The following FAM53A variants were observed in gnomAD, a reference collection of about 807,000 sequenced individuals.
FAM53A encodes family with sequence similarity 53 member A.
Under a neutral mutation model 26.6 loss-of-function variants are expected in FAM53A, and 28 were observed. That is an observed-to-expected ratio of 1.05 (90% confidence interval 0.78 to 1.45). FAM53A has a LOEUF of 1.45. FAM53A is among the 40% of genes most tolerant of loss of function. FAM53A has a pLI of 0.00. For missense variants in FAM53A, 650 were observed against 575.8 expected, an observed-to-expected ratio of 1.13 and a Z score of -1.32; for synonymous variants, 290 against 253.1, an observed-to-expected ratio of 1.15 and a Z score of -1.38.
chr4:1,649,907 A>ACTGTGAGGTGGCACAGGCGTGGCGTTTGG (rs1712604978), intron 4 of FAM53A, among the ~76,000 whole-genome samples: 1 of 138,374 alleles, frequency 7.2e-6, no homozygotes, highest in Non-Finnish European at 1.6e-5. Context: ...GTGGCGTTTG[A>ACTGTGAGGTGGCACAGGCGTGGCGTTTGG]CTGTGAGGTG....
At chr4:1,672,828 G>A (rs548772652) in intron 1 of FAM53A, among the ~76,000 whole-genome samples, 1 of 136,896 alleles carries the variant, frequency 7.3e-6, no homozygotes, top group Non-Finnish European at 1.5e-5. Flanking sequence ...GGAGTGCAGT[G>A]GTGTGATCTC....
chr4:1,607,971 A>G, the FAM53A span, among the ~76,000 whole-genome samples: 1 of 149,486 alleles, frequency 6.7e-6, no homozygotes, highest in African/African-American at 2.5e-5. Flanking sequence ...AAGTAGCCGG[A>G]TGTGGTAGCA....
intron 1 of FAM53A, among the ~76,000 whole-genome samples, chr4:1,620,115 G>C (rs1420568162): frequency 6.6e-6 from 1 of 151,886 alleles, no homozygotes; most frequent in Non-Finnish European, 1.5e-5. Context: ...GCAGAGGCAG[G>C]AGAATCGCTT....
At chr4:1,584,420 A>G in the FAM53A span, among the ~76,000 whole-genome samples, 1 of 152,240 alleles carries the variant, frequency 6.6e-6, no homozygotes, top group Non-Finnish European at 1.5e-5. Flanking sequence ...TCCCAACATT[A>G]TATGTTGCAG....
the FAM53A span, among the ~76,000 whole-genome samples, chr4:1,581,260 C>A: frequency 6.6e-6 from 1 of 151,356 alleles, no homozygotes; most frequent in Admixed American, 6.6e-5. Context: ...GCCCCGCTTC[C>A]CACTCAGAGC....
chr4:1,629,272 G>A (rs933387899), intron 1 of FAM53A, among the ~76,000 whole-genome samples: 2 of 152,146 alleles, frequency 1.3e-5, no homozygotes, highest in Admixed American at 6.5e-5. Context: ...GAGGGAGGCC[G>A]AGGCTGTGGC....
chr4:1,585,243 G>T, the FAM53A span, among the ~76,000 whole-genome samples: 1 of 145,076 alleles, frequency 6.9e-6, no homozygotes, highest in South Asian at 2.2e-4. Flanking sequence ...TGTACCTTTT[G>T]ACTAATAATG....
At chr4:1,580,557 C>CCCCGCCCGCCCT in the FAM53A span, among the ~76,000 whole-genome samples, 1 of 150,248 alleles carries the variant, frequency 6.7e-6, no homozygotes, top group Non-Finnish European at 1.5e-5. Context: ...AGCCGGGCCC[C>CCCCGCCCGCCCT]ACCTCCCGCC....
intron 1 of FAM53A, among the ~76,000 whole-genome samples, chr4:1,670,728 G>C (rs920103823): frequency 2.0e-5 from 3 of 152,206 alleles, no homozygotes; most frequent in Non-Finnish European, 2.9e-5. Context: ...GCTTCAGAAG[G>C]AGGCCTCTCC....
the FAM53A span, among the ~76,000 whole-genome samples, chr4:1,604,829 A>C: frequency 2.0e-5 from 3 of 150,752 alleles, no homozygotes; most frequent in East Asian, 2.0e-4. Context: ...ACCGAGCACC[A>C]CCCCCACCCT....
intron 4 of FAM53A, among the ~76,000 whole-genome samples, chr4:1,652,747 C>T (rs1224530133): frequency 6.7e-6 from 1 of 149,084 alleles, no homozygotes; most frequent in Non-Finnish European, 1.5e-5. Context: ...ACACTGCACA[C>T]ACACACCACA....
At chr4:1,637,319 C>G (rs1399743067), downstream of FAM53A, among the ~76,000 whole-genome samples, 1 of 152,188 alleles carries the variant, frequency 6.6e-6, no homozygotes, top group African/African-American at 2.4e-5. Flanking sequence ...TGCCACCCCA[C>G]GCTGCCAGGG....
At chr4:1,666,193 T>G (rs1307181254) in intron 2 of FAM53A, among the ~76,000 whole-genome samples, 25 of 129,538 alleles carry the variant, frequency 1.9e-4, no homozygotes, top group Non-Finnish European at 3.6e-4. Context: ...CTGCACACCC[T>G]GTATCTAAAA....
chr4:1,590,671 G>C, the FAM53A span, among the ~76,000 whole-genome samples: 1 of 151,800 alleles, frequency 6.6e-6, no homozygotes, highest in Non-Finnish European at 1.5e-5. Flanking sequence ...TGCCTCTGAA[G>C]GTGACCATAC....
intron 1 of FAM53A, among the ~76,000 whole-genome samples, chr4:1,674,211 G>A (rs974884731): frequency 6.6e-6 from 1 of 152,186 alleles, no homozygotes; most frequent in Non-Finnish European, 1.5e-5. Flanking sequence ...GTCCTCGGCA[G>A]TTCCTGGCTT....
intron 3 of FAM53A, among the ~76,000 whole-genome samples, chr4:1,655,945 A>G (rs1713344424): frequency 6.6e-6 from 1 of 152,142 alleles, no homozygotes; most frequent in African/African-American, 2.4e-5. Context: ...TAAAGGGGAC[A>G]CCGTGTCTGA....
rs772970772 is a variant in FAM53A, at chr4:1,641,505, C to T, written c.985G>A (p.Gly329Ser). 10 of 1,614,194 alleles carry T rather than the reference C, an allele frequency of 6.2e-6. No individual in the cohort carries two copies. The highest frequency in any genetic ancestry group is 4.5e-5 in the East Asian group (2 of 44,884). Residue 329 changes from glycine to serine, a missense_variant, in exon 5 of 5, where the codon GGC becomes AGC. Coordinates refer to ENST00000308132, the MANE Select transcript of FAM53A (RefSeq NM_001174070.3). ...CCAGGCATGGTGATGCCAGGGAGGC[C>T]CCGGGAGTCACATGGGGAGGACAGA... ...TVLSSPCDSR[G>S]LPGITMPGCS...
At chr4:1,677,159 G>A (rs1715101830) in intron 1 of FAM53A, among the ~76,000 whole-genome samples, 1 of 152,158 alleles carries the variant, frequency 6.6e-6, no homozygotes, top group South Asian at 2.1e-4. Context: ...CTCCACTTCT[G>A]TAAGAAGCCC....
chr4:1,685,727 T>A (rs1284197671), upstream of FAM53A, among the ~76,000 whole-genome samples: 1 of 152,152 alleles, frequency 6.6e-6, no homozygotes, highest in Non-Finnish European at 1.5e-5. Flanking sequence ...GCCATTCTCT[T>A]CGCTGGGGTC....
Sources: allele counts gnomAD v4.1 joint callset (sites outside exome capture counted in the v4.1 genomes callset), GRCh38; gene constraint gnomAD v4.1.1; transcripts MANE v1.5; gene names NCBI Gene and HGNC (gene_info 2026-07-23, HGNC 2026-07-21).